Variants in PHLDB1 observed in about 807,000 individuals in gnomAD.
The protein encoded by PHLDB1 is pleckstrin homology like domain family B member 1, also known as pleckstrin homology-like domain family B member 1.
In PHLDB1, 65 loss-of-function variants were observed where a neutral mutation model predicts 139.3. The observed-to-expected ratio is 0.47, with a 90% CI of 0.38 to 0.57. The LOEUF (loss-of-function observed/expected upper bound fraction) is 0.57, where lower values mean the gene tolerates loss of function less well. PHLDB1 is among the 20% of genes least tolerant of loss of function. The pLI is 0.00. For synonymous variants in PHLDB1, 679 were observed against 734.5 expected, an observed-to-expected ratio of 0.92 and a Z score of 1.22; for missense variants, 1,624 against 1,839.7, an observed-to-expected ratio of 0.88 and a Z score of 2.14.
At position 118,657,060 on chromosome 11, in the gene PHLDB1, C is replaced by T; in HGVS notation, c.*237C>T. ...GGAGCTGTCACAGAGAGGGCCTCAG[C>T]TCTGACCTGACACCTGCTCTCCCCA... On this transcript the variant is annotated 3_prime_UTR_variant, in exon 23 of 23. Coordinates refer to ENST00000600882, the MANE Select transcript of PHLDB1 (RefSeq NM_001144758.3). 2.4e-6 allele frequency: 1 copy of T among 421,466 alleles called. No individual in the cohort carries two copies. Among genetic ancestry groups the T allele is most frequent in the South Asian group, 5.6e-5 (1 of 17,716 alleles). The allele number at this position is 421,466 out of a possible 1,614,324, so 26.1% of individuals were successfully genotyped here.
chr11:118,625,077 C>A lies in PHLDB1; in HGVS notation c.481+18C>A, dbSNP rs782071437. On this transcript the variant is annotated intron_variant, in intron 5 of 22. Coordinates refer to ENST00000600882, the MANE Select transcript of PHLDB1 (RefSeq NM_001144758.3). ...TGTTCCTGGTAGGTACCGACGGGGG[C>A]AGGGTGCTGGGTTGATGGTGTTCCT... The A allele has an allele frequency of 1.3e-6, 2 of 1,583,404 alleles. No homozygotes were observed. The highest frequency in any genetic ancestry group is 1.7e-6 in the Non-Finnish European group (2 of 1,166,444).
At chr11:118,618,721 A>T (rs1385816344) in intron 4 of PHLDB1, among the ~76,000 whole-genome samples, 1 of 151,750 alleles carries the variant, frequency 6.6e-6, no homozygotes, top group East Asian at 1.9e-4. Flanking sequence ...TTGTTCCCCT[A>T]ATCTGGCCTT....
chr11:118,655,884 G>C lies in PHLDB1; in HGVS notation c.3985G>C (p.Val1329Leu), dbSNP rs892537815. 1 of 1,611,470 alleles carries C rather than the reference G, an allele frequency of 6.2e-7. No individual in the cohort carries two copies. Among genetic ancestry groups the C allele is most frequent in the Non-Finnish European group, 8.5e-7 (1 of 1,177,680 alleles). The change falls in exon 22 of 23, where the codon GTG (valine) becomes CTG (leucine). Residue 1329 changes from valine to leucine, a missense_variant. Transcript: ENST00000600882. ...GAAGAGGTTTTTCCGCTTCACTATG[G>C]TGACTGAGGTACCCCTCCCCACTTA... is the stretch of plus-strand genomic sequence containing the variant. Reference protein sequence around the residue: ...AKKRFFRFTMVTESPNPALTF... With the variant: ...AKKRFFRFTMLTESPNPALTF...
chr11:118,632,546 T>C lies in PHLDB1; in HGVS notation c.2379+250T>C. On this transcript the variant is annotated intron_variant, in intron 9 of 22. Coordinates refer to ENST00000600882, the MANE Select transcript of PHLDB1 (RefSeq NM_001144758.3). This position sits in a 1 kb window ranked among gnomAD's most constrained non-coding sequence, Gnocchi z 5.9. ...GGTCTGTGTGCTACCTCTGGGTGCC[T>C]GCCATCCTAGGCCCTTTATGGCCCT... The C allele has an allele frequency of 1.8e-6, 1 of 548,022 alleles. No individual in the cohort carries two copies. Among genetic ancestry groups the C allele is most frequent in the Non-Finnish European group, 3.2e-6 (1 of 307,834 alleles). The allele number at this position is 548,022 out of a possible 1,614,324, so 33.9% of individuals were successfully genotyped here.
At chr11:118,655,948 A>T in intron 22 of PHLDB1, 56 bp downstream of exon 22, 2 of 1,295,940 alleles carry the variant, frequency 1.5e-6, no homozygotes, top group Admixed American at 3.4e-5. Context: ...TACCCCACTC[A>T]TCCCTGACCC....
At position 118,632,305 on chromosome 11, in the gene PHLDB1, C is replaced by A; in HGVS notation, c.2379+9C>A. On this transcript the variant is annotated intron_variant, in intron 9 of 22. Coordinates refer to ENST00000600882, the MANE Select transcript of PHLDB1 (RefSeq NM_001144758.3). This position sits in a 1 kb window ranked among gnomAD's most constrained non-coding sequence, Gnocchi z 5.9. ...AGAAGGAGAGGGACAAGGTAACCCA[C>A]ACCTGGCCCAGCTTAGTGCTGGGTA... 1 of 1,612,274 alleles carries A rather than the reference C, an allele frequency of 6.2e-7. No homozygotes were observed. Among genetic ancestry groups the A allele is most frequent in the Non-Finnish European group, 8.5e-7 (1 of 1,179,878 alleles).
chr11:118,636,629 A>G (rs1405631538), intron 10 of PHLDB1: 6 of 152,202 alleles, frequency 3.9e-5, no homozygotes, highest in African/African-American at 1.4e-4. Context: ...AGACAAGGAA[A>G]CTAGGAGTAG....
intron 4 of PHLDB1, among the ~76,000 whole-genome samples, chr11:118,623,500 G>C (rs1365951514): frequency 3.9e-5 from 6 of 152,224 alleles, no homozygotes; most frequent in African/African-American, 1.4e-4. Flanking sequence ...CTGGGCTTGT[G>C]TCTACTGCCT....
At chr11:118,634,954 A>T (rs1555114019) in intron 9 of PHLDB1, 1 of 455,666 alleles carries the variant, frequency 2.2e-6, no homozygotes, top group African/African-American at 2.0e-5. Context: ...GGACGGAGGC[A>T]CCTGGAGGCC....
In PHLDB1 at chr11:118,628,364, G is replaced by T. The variant is rs782528582; in HGVS notation, c.1541G>T (p.Arg514Leu). 3 of 1,611,318 alleles carry T rather than the reference G, an allele frequency of 1.9e-6. No individual in the cohort carries two copies. In the South Asian group the frequency reaches 3.3e-5, roughly 18 times the overall value. Reference protein sequence around the residue: ...DFSLTLGARGRRTRSPSPTLG... With the variant: ...DFSLTLGARGLRTRSPSPTLG... ...TCCCTGACGCTGGGGGCACGGGGCCGTAGGACACGGAGCCCCTCACCCACA... is the reference window on the plus strand; with the variant it reads ...TCCCTGACGCTGGGGGCACGGGGCCTTAGGACACGGAGCCCCTCACCCACA... The change falls in exon 6 of 23, where the codon CGT becomes CTT. Residue 514 changes from arginine to leucine, a missense_variant. Arg to Leu is a moderately radical substitution (Grantham distance 102). Transcript: ENST00000600882.
At chr11:118,649,575 C>A (rs1265619908) in intron 18 of PHLDB1, among the ~76,000 whole-genome samples, 2 of 151,896 alleles carry the variant, frequency 1.3e-5, no homozygotes, top group Non-Finnish European at 2.9e-5. Context: ...GAAAAATATT[C>A]CGGTTGACTG....
chr11:118,652,568 CTA>C (rs1948497986), intron 20 of PHLDB1: 2 of 152,248 alleles, frequency 1.3e-5, no homozygotes, highest in South Asian at 4.1e-4. Flanking sequence ...GAGGGAAACA[CTA>C]TTTTTATGCC....
chr11:118,619,487 A>AT (rs2135906966), intron 4 of PHLDB1, among the ~76,000 whole-genome samples: 1 of 152,278 alleles, frequency 6.6e-6, no homozygotes, highest in East Asian at 1.9e-4. Context: ...TATGAGACTG[A>AT]TAACGATCTT....
At chr11:118,636,875 G>C (rs1365753929) in intron 10 of PHLDB1, 1 of 152,142 alleles carries the variant, frequency 6.6e-6, no homozygotes, top group Non-Finnish European at 1.5e-5. Flanking sequence ...AGGGAGTTTG[G>C]GAGGGCTTGG....
chr11:118,633,125 T>C (rs1945076201), intron 9 of PHLDB1: 1 of 152,250 alleles, frequency 6.6e-6, no homozygotes, highest in Admixed American at 6.5e-5. Context: ...GCTTTCCGCA[T>C]GCCCCTAACT....
chr11:118,655,267 G>C (rs1948877466), intron 20 of PHLDB1: 1 of 199,626 alleles, frequency 5.0e-6, no homozygotes. Flanking sequence ...GTTCATAAGG[G>C]TTTTACCAAT....
intron 9 of PHLDB1, chr11:118,635,128 A>G (rs570603534): frequency 1.8e-6 from 1 of 552,652 alleles, no homozygotes; most frequent in African/African-American, 1.9e-5. Flanking sequence ...GTGGGACGGG[A>G]CCACCTGGCC....
In PHLDB1 at chr11:118,628,253, C is replaced by T. The variant is rs35219502; in HGVS notation, c.1430C>T (p.Thr477Ile). ...CTCTCCCCGCTGCCCACCCGGACCA[C>T]CCCAGATCCCAAGCTAAACAGGGAA... ...RALSPLPTRTTPDPKLNREVA... is the reference protein window; with the variant it reads ...RALSPLPTRTIPDPKLNREVA... The change falls in exon 6 of 23, where the codon ACC becomes ATC. Residue 477 changes from threonine to isoleucine, a missense_variant. Transcript: ENST00000600882. 8.9e-5 allele frequency: 144 copies of T among 1,614,160 alleles called. No individual in the cohort carries two copies. The African/African-American group carries it at 1.7e-3, about 19-fold the overall frequency.
At position 118,610,825 on chromosome 11, in the gene PHLDB1, G is replaced by A. The variant is rs1940063021; in HGVS notation, c.-21-2991G>A. Reference sequence around the variant, plus strand: ...ATTCCCGCGGGGGAGGAGGCCGAGGGCCCGGGCCGGGGTCACCTGCCGGCG... The same window carrying A: ...ATTCCCGCGGGGGAGGAGGCCGAGGACCCGGGCCGGGGTCACCTGCCGGCG... On this transcript the variant is annotated intron_variant, in intron 1 of 22. Coordinates refer to ENST00000600882, the MANE Select transcript of PHLDB1 (RefSeq NM_001144758.3). The surrounding 1 kb of genome is among the most constrained non-coding windows in gnomAD (Gnocchi z 8.7). 1.3e-5 allele frequency among the ~76,000 whole-genome samples: 2 copies of A among 152,194 alleles called. No homozygotes were observed. Among genetic ancestry groups the A allele is most frequent in the Non-Finnish European group, 2.9e-5 (2 of 68,022 alleles).
Sources: allele counts gnomAD v4.1 joint callset (sites outside exome capture counted in the v4.1 genomes callset), GRCh38; gene constraint gnomAD v4.1.1; non-coding constraint Gnocchi (gnomAD v3.1); transcripts MANE v1.5; gene names NCBI Gene and HGNC (gene_info 2026-07-23, HGNC 2026-07-21).